The following BIN1 variants were observed in gnomAD, a reference collection of about 807,000 sequenced individuals.
BIN1 encodes the protein myc box-dependent-interacting protein 1.
A neutral mutation model predicts 82.0 loss-of-function variants in BIN1; 53 were observed. That is an observed-to-expected ratio of 0.65 (90% CI 0.52 to 0.81). BIN1 has a LOEUF of 0.81. BIN1 is among the 40% of genes least tolerant of loss of function. BIN1 has a pLI of 0.00. For synonymous variants in BIN1, 302 were observed against 328.0 expected (o/e 0.92, Z 0.86); for missense variants, 642 against 784.4 (o/e 0.82, Z 2.17).
chr2:127,107,049 G>C lies in BIN1; in HGVS notation c.-106C>G. On this transcript the variant is annotated 5_prime_UTR_variant, in exon 1 of 19. Transcript: ENST00000316724. This position sits in a 1 kb window ranked among gnomAD's most constrained non-coding sequence, Gnocchi z 5.9. ...CGGCCGCGCGTCCAGACCGGCTGCC[G>C]CTCCACGCCGCGCACCCGACAGCGG... The C allele has an allele frequency of 8.7e-7, 1 of 1,147,646 alleles. No homozygotes were observed. The highest frequency in any genetic ancestry group is 1.1e-6 in the Non-Finnish European group (1 of 879,506). The allele number at this position is 1,147,646 out of a possible 1,614,324, so 71.1% of individuals were successfully genotyped here.
chr2:127,080,128 G>A (rs1270674385), intron 1 of BIN1, among the ~76,000 whole-genome samples: 1 of 152,254 alleles, frequency 6.6e-6, no homozygotes, highest in Non-Finnish European at 1.5e-5. Flanking sequence ...GGGAACGCAG[G>A]CAAGTGGCCT....
rs1157420738 is a variant in BIN1, at chr2:127,090,332, T to C, written c.85-13626A>G. On this transcript the variant is annotated intron_variant, in intron 1 of 18. Transcript: ENST00000316724. The surrounding 1 kb of genome is among the most constrained non-coding windows in gnomAD (Gnocchi z 6.4). ...GAGCCCTGATGGGCCTTGCTACTACTCCACATCCCAGTGCCACCCCCGCAG... is the reference window on the plus strand; with the variant it reads ...GAGCCCTGATGGGCCTTGCTACTACCCCACATCCCAGTGCCACCCCCGCAG... Among the ~76,000 whole-genome samples the C allele has an allele frequency of 1.3e-5, 2 of 152,134 alleles. No individual in the cohort carries two copies. Among genetic ancestry groups the C allele is most frequent in the Non-Finnish European group, 2.9e-5 (2 of 68,012 alleles).
At position 127,057,339 on chromosome 2, in the gene BIN1, G is replaced by T; in HGVS notation, c.1131+134C>A. On this transcript the variant is annotated intron_variant, in intron 12 of 18. Coordinates refer to ENST00000316724, the MANE Select transcript of BIN1 (RefSeq NM_139343.3). The surrounding 1 kb of genome is among the most constrained non-coding windows in gnomAD (Gnocchi z 5.0). ...AGGATGATGGATGGAGGGAACAAAG[G>T]GTGAGAGAGGGAAACTGACACTCTC... 2 of 1,216,208 alleles carry T rather than the reference G, an allele frequency of 1.6e-6. No individual in the cohort carries two copies. The highest frequency in any genetic ancestry group is 2.2e-6 in the Non-Finnish European group (2 of 910,240). The allele number at this position is 1,216,208 out of a possible 1,614,324, so 75.3% of individuals were successfully genotyped here.
intron 1 of BIN1, among the ~76,000 whole-genome samples, chr2:127,088,697 C>T (rs1398280881): frequency 1.3e-5 from 2 of 151,422 alleles, no homozygotes; most frequent in African/African-American, 2.4e-5. Context: ...CAGGACCGCA[C>T]CACTGCACTC....
chr2:127,073,608 C>T (rs904208182), intron 2 of BIN1, among the ~76,000 whole-genome samples: 12 of 152,186 alleles, frequency 7.9e-5, no homozygotes, highest in Admixed American at 2.6e-4. Context: ...GCAGGGACGG[C>T]CCTCCTACGT....
intron 1 of BIN1, among the ~76,000 whole-genome samples, chr2:127,081,354 T>C (rs1379678668): frequency 6.6e-6 from 1 of 152,110 alleles, no homozygotes; most frequent in Non-Finnish European, 1.5e-5. Flanking sequence ...CCTGACACCG[T>C]CCAGTCAGGA....
chr2:127,069,059 C>A (rs192877291), intron 5 of BIN1, 28 bp from the exon 6 acceptor site: 2 of 1,603,598 alleles, frequency 1.2e-6, no homozygotes, highest in South Asian at 2.2e-5. Context: ...GGGCACTAAG[C>A]GGGGCCTGGC....
At chr2:127,063,477 G>T in intron 9 of BIN1, 94 bp downstream of exon 9, 2 of 1,333,034 alleles carry the variant, frequency 1.5e-6, no homozygotes, top group East Asian at 2.5e-5. Context: ...AACCTGGCAG[G>T]GAAGGAGGAG....
chr2:127,105,999 A>G (rs72959055), intron 1 of BIN1, among the ~76,000 whole-genome samples: 13,656 of 152,318 alleles, frequency 0.09, 864 homozygotes, highest in African/African-American at 0.17. Context: ...CCGCCCCTCA[A>G]TCTCTGCATT....
At chr2:127,096,801 C>G (rs1679659318) in intron 1 of BIN1, among the ~76,000 whole-genome samples, 1 of 152,182 alleles carries the variant, frequency 6.6e-6, no homozygotes, top group African/African-American at 2.4e-5. Context: ...CCAGAAGGGC[C>G]CCTGCTTGCC....
intron 1 of BIN1, among the ~76,000 whole-genome samples, chr2:127,080,943 C>T (rs971456037): frequency 6.6e-6 from 1 of 152,234 alleles, no homozygotes; most frequent in African/African-American, 2.4e-5. Context: ...CGCCATGCCT[C>T]CGGCACCCGG....
chr2:127,102,879 AG>A (rs1680539025), intron 1 of BIN1, among the ~76,000 whole-genome samples: 1 of 152,222 alleles, frequency 6.6e-6, no homozygotes, highest in Admixed American at 6.5e-5. Flanking sequence ...ACAGGTTCAG[AG>A]GGAAGAGGCC....
At position 127,064,116 on chromosome 2, in the gene BIN1, T is replaced by C; in HGVS notation, c.613-98A>G. ...CCTCCTGCCCACCCCTCTTGGCCAG[T>C]GCGCTGGGACCAGGGCTCCGGGCAA... On this transcript the variant is annotated intron_variant, in intron 7 of 18. Coordinates refer to ENST00000316724, the MANE Select transcript of BIN1 (RefSeq NM_139343.3). 3 of 1,412,884 alleles carry C rather than the reference T, an allele frequency of 2.1e-6. No homozygotes were observed. In the Admixed American group the frequency reaches 5.5e-5, roughly 26 times the overall value. The allele number at this position is 1,412,884 out of a possible 1,614,324, so 87.5% of individuals were successfully genotyped here.
At chr2:127,074,831 T>C (rs1165675316) in intron 2 of BIN1, among the ~76,000 whole-genome samples, 2 of 152,152 alleles carry the variant, frequency 1.3e-5, no homozygotes, top group Non-Finnish European at 2.9e-5. Flanking sequence ...GCCTCCCGAG[T>C]AGCTAGGACT....
In BIN1 at chr2:127,057,591, C is replaced by T; in HGVS notation, c.1013G>A (p.Gly338Asp). 6.5e-7 allele frequency: 1 copy of T among 1,532,552 alleles called. No homozygotes were observed. The highest frequency in any genetic ancestry group is 8.8e-7 in the Non-Finnish European group (1 of 1,134,786). 94.9% of individuals were successfully genotyped at this position (1,532,552 alleles called of 1,614,324 possible). A position where few individuals can be genotyped will look rare whatever the true frequency, so the allele number is the denominator to read the frequency against. Residue 338 changes from glycine (G) to aspartate (D), a missense_variant, in exon 12 of 19, where the codon GGC becomes GAC. By Grantham distance (94) the Gly-to-Asp change is moderately conservative. Transcript: ENST00000316724. The surrounding 1 kb of genome is among the most constrained non-coding windows in gnomAD (Gnocchi z 5.0). ...TTTGGGAGGCGGAGGGACTGGTGGG[C>T]CTTTCCGGAGCTGTGGGTCGGCGGC... ...LPKSPSQLRK[G>D]PPVPPPPKHT...
At chr2:127,083,177 C>A (rs1687521564) in intron 1 of BIN1, among the ~76,000 whole-genome samples, 1 of 150,690 alleles carries the variant, frequency 6.6e-6, no homozygotes, top group African/African-American at 2.4e-5. Flanking sequence ...CCTAGACTTT[C>A]TGAGCTTAAA....
At chr2:127,079,991 G>T (rs1478316532) in intron 1 of BIN1, among the ~76,000 whole-genome samples, 1 of 152,230 alleles carries the variant, frequency 6.6e-6, no homozygotes, top group Non-Finnish European at 1.5e-5. Flanking sequence ...GTGCTCCAGT[G>T]CCCCCGCCTT....
At chr2:127,050,364 C>A (rs1682750152) in intron 18 of BIN1, 57 bp downstream of exon 18, 6 of 1,593,422 alleles carry the variant, frequency 3.8e-6, no homozygotes, top group Admixed American at 3.3e-5. Flanking sequence ...GCGGTGCCAG[C>A]CGCAGCCAGG....
chr2:127,089,014 C>T (rs1678563749), intron 1 of BIN1, among the ~76,000 whole-genome samples: 1 of 152,120 alleles, frequency 6.6e-6, no homozygotes, highest in African/African-American at 2.4e-5. Context: ...CCTGAAACAC[C>T]AGGTGCCAGG....
Sources: gnomAD v4.1 joint callset for allele counts (sites outside exome capture counted in the v4.1 genomes callset) on GRCh38, gnomAD v4.1.1 for gene constraint, Gnocchi (gnomAD v3.1) non-coding constraint, MANE v1.5 for transcripts, NCBI Gene and HGNC (gene_info 2026-07-23, HGNC 2026-07-21) for gene names.